Variants in CCN4 observed in about 807,000 individuals in gnomAD.
The protein encoded by CCN4 is CCN family member 4.
In CCN4, 30 loss-of-function variants were observed where a neutral mutation model predicts 36.7. The ratio of observed to expected loss-of-function variants is 0.82; its 90% CI spans 0.61 to 1.11. CCN4 has a LOEUF of 1.11. Among genes scored for constraint, CCN4 ranks in the 50% least tolerant of loss-of-function variants. CCN4 has a pLI of 0.00. For synonymous variants in CCN4, 191 were observed against 195.4 expected, an observed-to-expected ratio of 0.98 and a Z score of 0.19; for missense variants, 505 against 504.9, an observed-to-expected ratio of 1.00 and a Z score of 0.00.
chr8:133,217,764 G>T (rs1854372667), intron 2 of CCN4, among the ~76,000 whole-genome samples: 1 of 152,126 alleles, frequency 6.6e-6, no homozygotes, highest in African/African-American at 2.4e-5. Context: ...ATATTCTGAG[G>T]CCTGGCATGA....
chr8:133,225,431 G>A lies in CCN4; in HGVS notation c.652G>A (p.Ala218Thr). ...EVEAWHRNCI[A>T]YTSPWSPCST... ...GGAGGCATGGCACAGGAACTGCATA[G>A]CCTACACAAGCCCCTGGAGCCCTTG... The change falls in exon 4 of 5, where the codon GCC (alanine) becomes ACC (threonine). Residue 218 changes from alanine to threonine, a missense_variant. By Grantham distance (58) the Ala-to-Thr change is moderately conservative (BLOSUM62 0). Transcript: ENST00000250160. 6.2e-7 allele frequency: 1 copy of A among 1,613,500 alleles called. No individual in the cohort carries two copies. Among genetic ancestry groups the A allele is most frequent in the Non-Finnish European group, 8.5e-7 (1 of 1,179,696 alleles).
At chr8:133,194,621 G>A (rs1374656161) in intron 1 of CCN4, among the ~76,000 whole-genome samples, 3 of 125,056 alleles carry the variant, frequency 2.4e-5, no homozygotes, top group Admixed American at 7.9e-5. Context: ...TTTGTGTAGT[G>A]TGTGTGGGGT....
Position 133,206,001 on chromosome 8 carries a change from A to G in CCN4, c.70-6863A>G, listed in dbSNP as rs542372158. Among the ~76,000 whole-genome samples the G allele has an allele frequency of 7.2e-5, 11 of 152,290 alleles. No individual in the cohort carries two copies. In the East Asian group the frequency reaches 1.9e-3, roughly 27 times the overall value. On this transcript the variant is annotated intron_variant, in intron 1 of 4. Transcript: ENST00000250160. ...GCCATACTCTCATTGTCCACTAAAG[A>G]TAAGGGCCAGGTGTGGCTTAGGGGC...
At chr8:133,220,162 A>G (rs1373219386) in intron 2 of CCN4, among the ~76,000 whole-genome samples, 1 of 152,072 alleles carries the variant, frequency 6.6e-6, no homozygotes, top group African/African-American at 2.4e-5. Context: ...TGTGTATGGA[A>G]TGAATGGAAC....
intron 1 of CCN4, among the ~76,000 whole-genome samples, chr8:133,196,838 T>TGCACCAG (rs1404199713): frequency 6.6e-6 from 1 of 152,176 alleles, no homozygotes; most frequent in Non-Finnish European, 1.5e-5. Context: ...CTTGAGTGGA[T>TGCACCAG]GCACCAGCTG....
At chr8:133,218,474 T>C (rs1303684531) in intron 2 of CCN4, among the ~76,000 whole-genome samples, 1 of 152,178 alleles carries the variant, frequency 6.6e-6, no homozygotes, top group Non-Finnish European at 1.5e-5. Context: ...AAGACAAAGA[T>C]GATAATGTGA....
chr8:133,214,598 A>T (rs1588197739), intron 2 of CCN4, among the ~76,000 whole-genome samples: 2 of 151,816 alleles, frequency 1.3e-5, no homozygotes, highest in South Asian at 4.2e-4. Context: ...GTTCCAAGAC[A>T]CCTCCTTTAT....
chr8:133,227,250 T>C (rs2044502939), intron 4 of CCN4, among the ~76,000 whole-genome samples, 161 bp from the exon 5 acceptor site: 4 of 152,232 alleles, frequency 2.6e-5, no homozygotes, highest in Admixed American at 2.6e-4. Context: ...TGGATCTCAC[T>C]GTGTTTGCTG....
At chr8:133,213,204 C>T in intron 2 of CCN4, 61 bp downstream of exon 2, 2 of 1,544,892 alleles carry the variant, frequency 1.3e-6, no homozygotes, top group Middle Eastern at 1.7e-4. Context: ...TGGCCCCAAA[C>T]CCCTCTCCCT....
At position 133,231,404 on chromosome 8, in the gene CCN4, CAT is replaced by C. The variant is rs1200709644; in HGVS notation, c.*3695_*3696del. ...CCATTTTTGTGACTGAAAAACTACACATGAGGAAACGTCTTAGAATTTTCCAA... is the reference window on the plus strand; with the variant it reads ...CCATTTTTGTGACTGAAAAACTACACGAGGAAACGTCTTAGAATTTTCCAA... On this transcript the variant is annotated 3_prime_UTR_variant, in exon 5 of 5. Transcript: ENST00000250160. 6.6e-6 allele frequency: 1 copy of C among 152,166 alleles called. No homozygotes were observed. The highest frequency in any genetic ancestry group is 2.4e-5 in the African/African-American group (1 of 41,448). The allele number at this position is 152,166 out of a possible 1,614,324, so 9.4% of individuals were successfully genotyped here.
chr8:133,214,997 C>G (rs1365938944), intron 2 of CCN4, among the ~76,000 whole-genome samples: 1 of 152,170 alleles, frequency 6.6e-6, no homozygotes, highest in East Asian at 1.9e-4. Context: ...ATCATTGGTT[C>G]ATGCTTCAAC....
At chr8:133,218,409 T>C (rs1854404262) in intron 2 of CCN4, among the ~76,000 whole-genome samples, 1 of 152,174 alleles carries the variant, frequency 6.6e-6, no homozygotes, top group Non-Finnish European at 1.5e-5. Context: ...CCCGCTGTGG[T>C]CACCTTGGAC....
chr8:133,229,250 C>A lies in CCN4; in HGVS notation c.*1540C>A, dbSNP rs1854865301. 1 of 152,162 alleles carries A rather than the reference C, an allele frequency of 6.6e-6. No homozygotes were observed. Among genetic ancestry groups the A allele is most frequent in the South Asian group, 2.1e-4 (1 of 4,836 alleles). 9.4% of individuals were successfully genotyped at this position (152,162 alleles called of 1,614,324 possible). A position where few individuals can be genotyped will look rare whatever the true frequency, so the allele number is the denominator to read the frequency against. ...ATCGAAATTGGACTGTCTTTATAAC[C>A]CATATTTTCCCCCTGTTTTTAGAGC... On this transcript the variant is annotated 3_prime_UTR_variant, in exon 5 of 5. Transcript: ENST00000250160.
chr8:133,213,168 G>C (rs747419828), intron 2 of CCN4, 25 bp downstream of exon 2: 3 of 1,579,040 alleles, frequency 1.9e-6, no homozygotes, highest in Non-Finnish European at 2.6e-6. Flanking sequence ...CATACCTTCT[G>C]ACCAGCCCCT....
Position 133,213,829 on chromosome 8 carries a change from TTAAA to T in CCN4, c.349+689_349+692del, listed in dbSNP as rs1249059474. On this transcript the variant is annotated intron_variant, in intron 2 of 4. Transcript: ENST00000250160. ...ACTACATATACACTATATATAGTAGTTAAATATACTATATATACACTATATATAG... is the reference window on the plus strand; with the variant it reads ...ACTACATATACACTATATATAGTAGTTATACTATATATACACTATATATAG... Among the ~76,000 whole-genome samples the T allele has an allele frequency of 4.1e-4, 60 of 144,866 alleles. 2 individuals carry two copies. Among genetic ancestry groups the T allele is most frequent in the African/African-American group, 7.5e-4 (30 of 39,772 alleles).
At chr8:133,206,456 C>T (rs1327081446) in intron 1 of CCN4, among the ~76,000 whole-genome samples, 1 of 152,184 alleles carries the variant, frequency 6.6e-6, no homozygotes, top group Non-Finnish European at 1.5e-5. Context: ...TCTCATCTCC[C>T]TTCTCTGGCT....
chr8:133,197,769 G>C (rs575042411), intron 1 of CCN4, among the ~76,000 whole-genome samples: 7 of 152,264 alleles, frequency 4.6e-5, no homozygotes, highest in Admixed American at 4.6e-4. Flanking sequence ...GGTAGGGTGA[G>C]AGAAAATGAA....
intron 1 of CCN4, among the ~76,000 whole-genome samples, chr8:133,191,455 C>T (rs1407686756): frequency 2.6e-5 from 4 of 152,136 alleles, no homozygotes; most frequent in Non-Finnish European, 5.9e-5. Flanking sequence ...CCAGCCTGCC[C>T]TCTCTCCCCA....
chr8:133,193,729 A>G (rs1249451992), intron 1 of CCN4, among the ~76,000 whole-genome samples: 2 of 152,246 alleles, frequency 1.3e-5, no homozygotes, highest in South Asian at 4.1e-4. Flanking sequence ...GGAGAGGTTA[A>G]GTAATTTGTC....
Sources: allele counts gnomAD v4.1 joint callset (sites outside exome capture counted in the v4.1 genomes callset), GRCh38; gene constraint gnomAD v4.1.1; transcripts MANE v1.5; gene names NCBI Gene and HGNC (gene_info 2026-07-23, HGNC 2026-07-21).